ST6GALNAC5: variants seen among roughly 807,000 people sequenced by gnomAD.
The protein encoded by ST6GALNAC5 is ST6 N-acetylgalactosaminide alpha-2,6-sialyltransferase 5, also known as alpha-N-acetylgalactosaminide alpha-2,6-sialyltransferase 5.
A neutral mutation model predicts 33.6 loss-of-function variants in ST6GALNAC5; 27 were observed. That is an observed-to-expected ratio of 0.80 (90% CI 0.59 to 1.11). ST6GALNAC5 has a LOEUF of 1.11. Ranked by LOEUF, ST6GALNAC5 falls within the 50% of genes least tolerant of loss-of-function variation. The probability of loss-of-function intolerance (pLI) is 0.00; values close to 1 mark genes in which losing one functional copy is unlikely to be tolerated. For missense variants in ST6GALNAC5, 428 were observed against 454.0 expected (o/e 0.94, Z 0.52); for synonymous variants, 194 against 171.2 (o/e 1.13, Z -1.04).
intron 2 of ST6GALNAC5, among the ~76,000 whole-genome samples, chr1:76,896,310 T>C (rs1393247652): frequency 6.6e-6 from 1 of 152,174 alleles, no homozygotes; most frequent in African/African-American, 2.4e-5. Context: ...TTGCCAGTCC[T>C]GGGTTGGGGT....
intron 2 of ST6GALNAC5, among the ~76,000 whole-genome samples, chr1:77,006,829 A>C (rs1247176734): frequency 6.6e-6 from 1 of 152,040 alleles, no homozygotes; most frequent in Admixed American, 6.5e-5. Context: ...GGCCTAGCTC[A>C]TGTTTCTGTG....
intron 2 of ST6GALNAC5, among the ~76,000 whole-genome samples, chr1:76,983,300 T>C (rs1649335968): frequency 6.6e-6 from 1 of 151,686 alleles, no homozygotes; most frequent in Non-Finnish European, 1.5e-5. Flanking sequence ...AGACTCAAAA[T>C]AAAGGGATGG....
intron 2 of ST6GALNAC5, among the ~76,000 whole-genome samples, chr1:76,911,835 C>A (rs147452989): frequency 0.05 from 7,655 of 152,206 alleles, 375 homozygotes; most frequent in Admixed American, 0.16. Context: ...ATTAGTCTTG[C>A]TAGCGGTCTA....
At chr1:76,930,694 A>G (rs947313731) in intron 2 of ST6GALNAC5, among the ~76,000 whole-genome samples, 3 of 152,148 alleles carry the variant, frequency 2.0e-5, no homozygotes, top group East Asian at 1.9e-4. Context: ...TAAATCTAAC[A>G]TATGAAAACT....
At chr1:76,921,719 T>C (rs981274696) in intron 2 of ST6GALNAC5, among the ~76,000 whole-genome samples, 1 of 152,146 alleles carries the variant, frequency 6.6e-6, no homozygotes, top group Non-Finnish European at 1.5e-5. Flanking sequence ...AATTCACCAT[T>C]TGAAAGTCAA....
chr1:76,964,983 A>T (rs991923138), intron 2 of ST6GALNAC5, among the ~76,000 whole-genome samples: 1 of 152,162 alleles, frequency 6.6e-6, no homozygotes, highest in East Asian at 1.9e-4. Context: ...TATATGTGCC[A>T]CATTTTCTTA....
At position 76,905,646 on chromosome 1, in the gene ST6GALNAC5, T is replaced by C. The variant is rs1255588235; in HGVS notation, c.261+36904T>C. 2.0e-5 allele frequency among the ~76,000 whole-genome samples: 3 copies of C among 152,288 alleles called. No individual in the cohort carries two copies. The East Asian group carries it at 5.8e-4, about 29-fold the overall frequency. ...TTGAGTTCTGTGAAATACTAAAAAT[T>C]CTATGTGTTGATAATGACTAAAAAT... On this transcript the variant is annotated intron_variant, in intron 2 of 4. Transcript: ENST00000477717.
chr1:76,946,072 AC>A (rs1647506930), intron 2 of ST6GALNAC5, among the ~76,000 whole-genome samples: 1 of 152,138 alleles, frequency 6.6e-6, no homozygotes, highest in Admixed American at 6.5e-5. Flanking sequence ...CTCAGATAAA[AC>A]ATCAAAATTA....
chr1:76,982,824 G>A (rs1480105032), intron 2 of ST6GALNAC5, among the ~76,000 whole-genome samples: 1 of 151,006 alleles, frequency 6.6e-6, no homozygotes, highest in African/African-American at 2.4e-5. Context: ...TCAGCGGAAA[G>A]CCTAAAAGCC....
At chr1:76,955,471 TTTTA>T (rs1647920769) in intron 2 of ST6GALNAC5, among the ~76,000 whole-genome samples, 2 of 152,190 alleles carry the variant, frequency 1.3e-5, no homozygotes, top group Admixed American at 6.6e-5. Context: ...TGTGTTTACA[TTTTA>T]ATAATGTTTT....
chr1:76,965,285 C>A (rs1648421459), intron 2 of ST6GALNAC5, among the ~76,000 whole-genome samples: 1 of 152,086 alleles, frequency 6.6e-6, no homozygotes, highest in African/African-American at 2.4e-5. Flanking sequence ...TGTTTCCTGA[C>A]TTTTTGATTA....
At chr1:76,948,025 A>G (rs868152997) in intron 2 of ST6GALNAC5, among the ~76,000 whole-genome samples, 3 of 152,204 alleles carry the variant, frequency 2.0e-5, no homozygotes, top group Middle Eastern at 6.8e-3. Context: ...TAACAAATAA[A>G]CCCCAAAGAG....
At chr1:76,917,352 A>C (rs1181293091) in intron 2 of ST6GALNAC5, among the ~76,000 whole-genome samples, 1 of 152,192 alleles carries the variant, frequency 6.6e-6, no homozygotes, top group Admixed American at 6.5e-5. Context: ...AACATTGCTA[A>C]ACTCAAGCAA....
intron 2 of ST6GALNAC5, among the ~76,000 whole-genome samples, chr1:76,936,959 T>C (rs1647212465): frequency 1.4e-5 from 2 of 145,274 alleles, no homozygotes. Context: ...GCAGGGTGTG[T>C]GTGTGTGTGT....
At chr1:77,043,237 T>C (rs1651892171) in intron 2 of ST6GALNAC5, among the ~76,000 whole-genome samples, 1 of 152,280 alleles carries the variant, frequency 6.6e-6, no homozygotes. Flanking sequence ...GGGCCGTAAT[T>C]ACATTATCTT....
intron 2 of ST6GALNAC5, among the ~76,000 whole-genome samples, chr1:76,987,506 G>T (rs895595749): frequency 6.6e-6 from 1 of 152,094 alleles, no homozygotes; most frequent in African/African-American, 2.4e-5. Context: ...GCAAAATGTT[G>T]CAACCTCTTT....
In ST6GALNAC5 at chr1:77,023,501, A is replaced by G. The variant is rs113084942; in HGVS notation, c.262-20703A>G. Among the ~76,000 whole-genome samples, 10 of 152,230 alleles carry G rather than the reference A, an allele frequency of 6.6e-5. 1 individual carries two copies. The highest frequency in any genetic ancestry group is 2.4e-4 in the African/African-American group (10 of 41,546). On this transcript the variant is annotated intron_variant, in intron 2 of 4. Transcript: ENST00000477717. ...TTCCCACTGAGAGGCAGGCAGAGCAACTGGAGGTTTGTGCTGACAAAGCGG... is the reference window on the plus strand; with the variant it reads ...TTCCCACTGAGAGGCAGGCAGAGCAGCTGGAGGTTTGTGCTGACAAAGCGG...
chr1:76,977,355 G>T (rs79976126), intron 2 of ST6GALNAC5, among the ~76,000 whole-genome samples: 2 of 152,080 alleles, frequency 1.3e-5, no homozygotes, highest in Non-Finnish European at 2.9e-5. Flanking sequence ...GTCTTGAAAT[G>T]TACACAACAT....
chr1:77,042,561 C>T (rs919964921), intron 2 of ST6GALNAC5, among the ~76,000 whole-genome samples: 2 of 152,182 alleles, frequency 1.3e-5, no homozygotes, highest in South Asian at 4.1e-4. Context: ...ATCGTGAGTA[C>T]TTATTGTACA....
Sources: gnomAD v4.1 joint callset for allele counts (sites outside exome capture counted in the v4.1 genomes callset) on GRCh38, gnomAD v4.1.1 for gene constraint, MANE v1.5 for transcripts, NCBI Gene and HGNC (gene_info 2026-07-23, HGNC 2026-07-21) for gene names.